CTNND2: variants seen among roughly 807,000 people sequenced by gnomAD.
The protein encoded by CTNND2 is catenin delta-2.
CTNND2 carries 22 observed loss-of-function variants against 144.4 expected under a neutral mutation model. The observed-to-expected ratio is 0.15, with a 90% confidence interval of 0.11 to 0.22. The LOEUF (loss-of-function observed/expected upper bound fraction) is 0.22. CTNND2 is among the 10% of genes least tolerant of loss of function. The pLI is 1.00. For synonymous variants in CTNND2, 751 were observed against 695.6 expected, an observed-to-expected ratio of 1.08 and a Z score of -1.25; for missense variants, 1,353 against 1,618.8, an observed-to-expected ratio of 0.84 and a Z score of 2.82.
At chr5:11,631,353 T>C (rs972839142) in intron 2 of CTNND2, among the ~76,000 whole-genome samples, 1 of 152,240 alleles carries the variant, frequency 6.6e-6, no homozygotes, top group African/African-American at 2.4e-5. Flanking sequence ...CAAGGATCTA[T>C]GTCTTATCGT....
Position 11,379,960 on chromosome 5 carries a change from CCCCTGCCT to C in CTNND2, c.1177+4697_1177+4704del, listed in dbSNP as rs142841353. ...GAAACACTGAGCTGCCAGTTGTCTT[CCCCTGCCT>C]CCCTGCACCCCACACACACCCTCTC... On this transcript the variant is annotated intron_variant, in intron 7 of 21. Coordinates refer to ENST00000304623, the MANE Select transcript of CTNND2 (RefSeq NM_001332.4). 8.9e-3 allele frequency among the ~76,000 whole-genome samples: 1,351 copies of C among 152,266 alleles called. 49 individuals are homozygous for C. The East Asian group carries it at 0.092, about 10-fold the overall frequency.
intron 3 of CTNND2, among the ~76,000 whole-genome samples, chr5:11,495,397 A>T (rs946141753): frequency 2.0e-5 from 3 of 152,196 alleles, no homozygotes; most frequent in African/African-American, 7.2e-5. Flanking sequence ...ATTTATTCAA[A>T]TTAATAACCT....
chr5:11,449,254 C>G (rs1765101994), intron 3 of CTNND2, among the ~76,000 whole-genome samples: 1 of 152,074 alleles, frequency 6.6e-6, no homozygotes, highest in African/African-American at 2.4e-5. Flanking sequence ...ATAAGAGAAA[C>G]CTACGCTTTT....
At chr5:11,590,136 C>G (rs895843791) in intron 2 of CTNND2, among the ~76,000 whole-genome samples, 3 of 151,404 alleles carry the variant, frequency 2.0e-5, no homozygotes, top group African/African-American at 7.3e-5. Context: ...AGCTCCGCCT[C>G]CTGGGTTCAC....
intron 18 of CTNND2, among the ~76,000 whole-genome samples, chr5:11,015,188 A>G (rs928427995): frequency 3.3e-5 from 5 of 152,254 alleles, no homozygotes; most frequent in Admixed American, 6.5e-5. Flanking sequence ...GAAGAACAAA[A>G]TAGAAATCTA....
chr5:11,303,048 A>G (rs1749778497), intron 9 of CTNND2, among the ~76,000 whole-genome samples: 1 of 152,094 alleles, frequency 6.6e-6, no homozygotes, highest in Admixed American at 6.5e-5. Context: ...TGCCTCCTAT[A>G]TGTAATGTAA....
Position 11,592,335 on chromosome 5 carries a change from CTCT to C in CTNND2, c.175-27282_175-27280del, listed in dbSNP as rs574436223. ...TCCTCCTGCCTTCCTTCCTTCCTTC[CTCT>C]TCTTTTTTCTAAAATGAAATATGCA... is the stretch of plus-strand genomic sequence containing the variant. On this transcript the variant is annotated intron_variant, in intron 2 of 21. Transcript: ENST00000304623. 3.4e-4 allele frequency among the ~76,000 whole-genome samples: 52 copies of C among 151,790 alleles called. 1 individual carries two copies. The highest frequency in any genetic ancestry group is 1.8e-3 in the Admixed American group (27 of 15,236).
At chr5:11,093,398 G>A (rs1259092792) in intron 15 of CTNND2, among the ~76,000 whole-genome samples, 1 of 152,160 alleles carries the variant, frequency 6.6e-6, no homozygotes, top group Middle Eastern at 3.2e-3. Context: ...TGAGAAAAAG[G>A]TAACTGAAGT....
rs1277888506 is a variant in CTNND2 at position 11,839,836 on chromosome 5, C to T, written c.37+63981G>A. The stretch of plus-strand genomic sequence containing the variant: ...TACCTGTGAAAATTGTGTAGCTCTT[C>T]GTGACCTAGCCTAGGCAGGCGTGAG... On this transcript the variant is annotated intron_variant, in intron 1 of 21. Coordinates refer to ENST00000304623, the MANE Select transcript of CTNND2 (RefSeq NM_001332.4). 2.0e-5 allele frequency among the ~76,000 whole-genome samples: 3 copies of T among 151,844 alleles called. No individual in the cohort carries two copies. The South Asian group carries it at 6.2e-4, about 31-fold the overall frequency.
chr5:11,054,630 C>T (rs1746170829), intron 16 of CTNND2, among the ~76,000 whole-genome samples: 1 of 152,074 alleles, frequency 6.6e-6, no homozygotes, highest in Non-Finnish European at 1.5e-5. Flanking sequence ...TCCTTGAAGA[C>T]CGCACTTGCC....
At chr5:11,225,565 GTTTC>G (rs1269145954) in intron 10 of CTNND2, among the ~76,000 whole-genome samples, 6 of 152,100 alleles carry the variant, frequency 3.9e-5, no homozygotes, top group African/African-American at 1.2e-4. Context: ...GTGAAGCACT[GTTTC>G]TTAAGATGTA....
At chr5:11,544,569 G>C (rs1379408505) in intron 3 of CTNND2, among the ~76,000 whole-genome samples, 3 of 152,234 alleles carry the variant, frequency 2.0e-5, no homozygotes, top group African/African-American at 7.2e-5. Context: ...TATGCAAATT[G>C]TGTTACATCC....
intron 2 of CTNND2, among the ~76,000 whole-genome samples, chr5:11,680,892 C>A (rs965239822): frequency 2.0e-5 from 3 of 152,120 alleles, no homozygotes; most frequent in African/African-American, 7.2e-5. Context: ...AATAGAGCTC[C>A]ACCACTCACT....
At chr5:10,984,935 A>G (rs6865152) in intron 20 of CTNND2, among the ~76,000 whole-genome samples, 64,984 of 151,776 alleles carry the variant, frequency 0.43, 14,439 homozygotes, top group African/African-American at 0.54. Context: ...TTAGCCGGGC[A>G]TGGTGGCAGG....
chr5:11,337,150 T>C (rs1753815947), intron 9 of CTNND2, among the ~76,000 whole-genome samples: 2 of 152,138 alleles, frequency 1.3e-5, no homozygotes, highest in African/African-American at 4.8e-5. Context: ...CCCAGAACTC[T>C]AAAAGATATC....
intron 18 of CTNND2, among the ~76,000 whole-genome samples, chr5:11,014,463 C>T (rs572956588): frequency 6.6e-6 from 1 of 152,158 alleles, no homozygotes; most frequent in Non-Finnish European, 1.5e-5. Context: ...TTGCGGTTAT[C>T]TAAACTTAAA....
chr5:11,434,407 G>C (rs1763575497), intron 3 of CTNND2, among the ~76,000 whole-genome samples: 1 of 152,208 alleles, frequency 6.6e-6, no homozygotes, highest in Non-Finnish European at 1.5e-5. Flanking sequence ...TATCTTGACA[G>C]AGGTTTAGGT....
intron 2 of CTNND2, among the ~76,000 whole-genome samples, chr5:11,695,830 T>C (rs1383857978): frequency 6.6e-6 from 1 of 152,162 alleles, no homozygotes; most frequent in African/African-American, 2.4e-5. Context: ...CATACACATA[T>C]ATTACATATT....
intron 9 of CTNND2, among the ~76,000 whole-genome samples, chr5:11,292,355 G>A (rs1200620091): frequency 1.3e-5 from 2 of 152,086 alleles, no homozygotes; most frequent in African/African-American, 4.8e-5. Flanking sequence ...ATTACTGGCT[G>A]GAGTCCTTCT....
Sources: allele counts gnomAD v4.1 joint callset (sites outside exome capture counted in the v4.1 genomes callset), GRCh38; gene constraint gnomAD v4.1.1; transcripts MANE v1.5; gene names NCBI Gene and HGNC (gene_info 2026-07-23, HGNC 2026-07-21).